NWD1: variants seen among roughly 807,000 people sequenced by gnomAD.
NWD1 encodes the protein NACHT domain- and WD repeat-containing protein 1.
In NWD1, 129 loss-of-function variants were observed where a neutral mutation model predicts 135.1. The observed-to-expected ratio is 0.96, with a 90% CI of 0.83 to 1.11. NWD1 has a LOEUF of 1.11. Ranked by LOEUF, NWD1 falls within the 50% of genes least tolerant of loss-of-function variation. NWD1 has a pLI of 0.00. For missense variants in NWD1, 1,740 were observed against 1,851.3 expected (o/e 0.94, Z 1.10); for synonymous variants, 773 against 786.0 (o/e 0.98, Z 0.28).
intron 12 of NWD1, among the ~76,000 whole-genome samples, chr19:16,786,131 T>C (rs28790729): frequency 0.17 from 26,329 of 151,894 alleles, 5,185 homozygotes; most frequent in African/African-American, 0.48. Flanking sequence ...TTCCAAAGTG[T>C]TGGGTTTACA....
At chr19:16,795,061 G>A (rs1276239665) in intron 15 of NWD1, among the ~76,000 whole-genome samples, 1 of 152,178 alleles carries the variant, frequency 6.6e-6, no homozygotes, top group East Asian at 1.9e-4. Context: ...GGATTACACA[G>A]GCGTGAGCCA....
chr19:16,781,958 A>G (rs917707482), intron 12 of NWD1, among the ~76,000 whole-genome samples: 7 of 150,728 alleles, frequency 4.6e-5, no homozygotes, highest in East Asian at 2.0e-4. Flanking sequence ...GCTGGGCGTG[A>G]TGGTGGGTGC....
In NWD1 at chr19:16,736,716, G is replaced by C; in HGVS notation, c.164G>C (p.Arg55Pro). Reference protein sequence around the residue: ...TTELCLEEVDRCWKTSIGPAF... With the variant: ...TTELCLEEVDPCWKTSIGPAF... ...GAACTCTGCTTGGAGGAGGTTGACC[G>C]GTGTTGGAAAACATCCATAGGGCCA... Residue 55 changes from arginine to proline, a missense_variant, in exon 4 of 19, where the codon CGG becomes CCG. Transcript: ENST00000524140. 1 of 1,536,068 alleles carries C rather than the reference G, an allele frequency of 6.5e-7. No individual in the cohort carries two copies. The highest frequency in any genetic ancestry group is 1.4e-5 in the African/African-American group (1 of 73,122).
chr19:16,815,158 C>T lies in NWD1; in HGVS notation c.*119C>T. Reference sequence around the variant, plus strand: ...ATTTCCAGTGCCTTTCAGCAAAAGCCTCACCGCAGGACCCTCTTAAGAACT... The same window carrying T: ...ATTTCCAGTGCCTTTCAGCAAAAGCTTCACCGCAGGACCCTCTTAAGAACT... On this transcript the variant is annotated 3_prime_UTR_variant, in exon 19 of 19. Coordinates refer to ENST00000524140, the MANE Select transcript of NWD1 (RefSeq NM_001007525.5). 1 of 1,037,698 alleles carries T rather than the reference C, an allele frequency of 9.6e-7. No individual in the cohort carries two copies. Among genetic ancestry groups the T allele is most frequent in the East Asian group, 2.4e-5 (1 of 42,310 alleles). The allele number at this position is 1,037,698 out of a possible 1,614,324, so 64.3% of individuals were successfully genotyped here.
chr19:16,735,164 G>A (rs11672434), intron 3 of NWD1, among the ~76,000 whole-genome samples: 44,490 of 151,926 alleles, frequency 0.29, 7,034 homozygotes, highest in Middle Eastern at 0.46. Flanking sequence ...GTCTCCTAAC[G>A]TTTTACCTAA....
At chr19:16,793,902 A>T (rs1461831107) in intron 14 of NWD1, among the ~76,000 whole-genome samples, 2 of 151,438 alleles carry the variant, frequency 1.3e-5, no homozygotes, top group Non-Finnish European at 2.9e-5. Flanking sequence ...AATTTAAAAA[A>T]TTTTTTAGAG....
chr19:16,808,034 G>A lies in NWD1; in HGVS notation c.4185G>A (p.Glu1395=). 6.2e-7 allele frequency: 1 copy of A among 1,614,112 alleles called. No individual in the cohort carries two copies. Among genetic ancestry groups the A allele is most frequent in the Non-Finnish European group, 8.5e-7 (1 of 1,179,992 alleles). ...ETHRSRVACV[E]VSHKEQLVVS... ...ACAGGAGCCGAGTTGCCTGTGTGGA[G>A]GTCAGCCACAAGGAGCAGCTGGTGG... is the stretch of plus-strand genomic sequence containing the variant. The change falls in exon 18 of 19, where the codon GAG becomes GAA. Residue 1395 remains glutamate, a synonymous_variant. Transcript: ENST00000524140.
At chr19:16,776,135 G>C (rs1969591524) in intron 11 of NWD1, among the ~76,000 whole-genome samples, 1 of 152,198 alleles carries the variant, frequency 6.6e-6, no homozygotes, top group South Asian at 2.1e-4. Context: ...GGAAGTTACA[G>C]CTTAGCGTGA....
chr19:16,782,141 T>C (rs567018572), intron 12 of NWD1, among the ~76,000 whole-genome samples: 3 of 148,742 alleles, frequency 2.0e-5, no homozygotes, highest in African/African-American at 7.4e-5. Context: ...AACCCTTTTA[T>C]GTAATTAAGA....
intron 11 of NWD1, among the ~76,000 whole-genome samples, chr19:16,773,910 C>T (rs1311006162): frequency 6.7e-6 from 1 of 149,460 alleles, no homozygotes; most frequent in African/African-American, 2.5e-5. Flanking sequence ...CACCAGCCTC[C>T]CACCCACCCA....
At chr19:16,812,901 A>G in intron 18 of NWD1, 4 of 779,864 alleles carry the variant, frequency 5.1e-6, no homozygotes, top group Middle Eastern at 2.3e-4. Context: ...TGGAGAGAAA[A>G]GGCTCTGACC....
At chr19:16,733,867 C>A (rs1967680791) in intron 3 of NWD1, among the ~76,000 whole-genome samples, 1 of 152,096 alleles carries the variant, frequency 6.6e-6, no homozygotes, top group African/African-American at 2.4e-5. Flanking sequence ...TTTCCTGCTC[C>A]TCTAACTCAT....
chr19:16,744,919 C>T, intron 5 of NWD1: 1 of 654,924 alleles, frequency 1.5e-6, no homozygotes. Context: ...ATCTTGGTCT[C>T]AGGATCTTCC....
chr19:16,774,752 T>TCTTC (rs947035201), intron 11 of NWD1, among the ~76,000 whole-genome samples: 4 of 151,734 alleles, frequency 2.6e-5, no homozygotes, highest in African/African-American at 7.3e-5. Flanking sequence ...ACCCTTTCTT[T>TCTTC]CTTCCTTCCT....
intron 1 of NWD1, among the ~76,000 whole-genome samples, chr19:16,722,814 G>A (rs1406937305): frequency 6.6e-6 from 1 of 151,884 alleles, no homozygotes; most frequent in African/African-American, 2.4e-5. Flanking sequence ...CTCTGGAGGG[G>A]CTGGGGATTA....
At chr19:16,739,998 T>C (rs1968012930) in intron 4 of NWD1, among the ~76,000 whole-genome samples, 1 of 152,048 alleles carries the variant, frequency 6.6e-6, no homozygotes, top group Non-Finnish European at 1.5e-5. Context: ...TGAAACTGAC[T>C]AGTTATAAAG....
intron 7 of NWD1, among the ~76,000 whole-genome samples, chr19:16,760,136 CAG>C (rs925821729): frequency 1.3e-5 from 2 of 151,912 alleles, no homozygotes; most frequent in Non-Finnish European, 2.9e-5. Context: ...GTCTGGGTGA[CAG>C]AGTGAGATCC....
chr19:16,788,738 G>GT (rs1177419190), intron 12 of NWD1, among the ~76,000 whole-genome samples: 6 of 152,016 alleles, frequency 3.9e-5, no homozygotes, highest in Non-Finnish European at 1.5e-5. Context: ...GATTTTTGTA[G>GT]TTTTTTCTGT....
At position 16,744,845 on chromosome 19, in the gene NWD1, G is replaced by A. The variant is rs1968240295; in HGVS notation, c.496+127G>A. The stretch of plus-strand genomic sequence containing the variant: ...GCAAATGCCAAACCAGTCAACCTCT[G>A]GTCCCTCGGCTCTGAGAAAGGCTGT... On this transcript the variant is annotated intron_variant, in intron 5 of 18. Coordinates refer to ENST00000524140, the MANE Select transcript of NWD1 (RefSeq NM_001007525.5). 9.0e-6 allele frequency: 7 copies of A among 774,580 alleles called. No homozygotes were observed. The South Asian group carries it at 1.1e-4, about 12-fold the overall frequency. 48.0% of individuals were successfully genotyped at this position (774,580 alleles called of 1,614,324 possible). A position where few individuals can be genotyped will look rare whatever the true frequency, so the allele number is the denominator to read the frequency against.
Sources: allele counts gnomAD v4.1 joint callset (sites outside exome capture counted in the v4.1 genomes callset), GRCh38; gene constraint gnomAD v4.1.1; transcripts MANE v1.5; gene names NCBI Gene and HGNC (gene_info 2026-07-23, HGNC 2026-07-21).